The following FGF14 variants were observed in gnomAD, a reference collection of about 807,000 sequenced individuals.
FGF14 encodes the protein fibroblast growth factor homologous factor 4.
FGF14 carries 5 observed loss-of-function variants against 25.5 expected under a neutral mutation model. The observed-to-expected ratio is 0.20, with a 90% CI of 0.10 to 0.41. The LOEUF is 0.41. FGF14 is among the 10% of genes least tolerant of loss of function. The pLI is 1.00. For missense variants in FGF14, 222 were observed against 320.1 expected (o/e 0.69, Z 2.34); for synonymous variants, 138 against 118.3 (o/e 1.17, Z -1.08).
intron 1 of FGF14, among the ~76,000 whole-genome samples, chr13:102,069,310 G>A (rs537299875): frequency 1.3e-5 from 2 of 152,190 alleles, no homozygotes; most frequent in South Asian, 4.2e-4. Context: ...CTCAGGGATT[G>A]TAAACGCACC....
In FGF14 at chr13:102,283,528, T is replaced by C. The variant is rs529247736; in HGVS notation, c.208+117943A>G. Among the ~76,000 whole-genome samples the C allele has an allele frequency of 1.2e-4, 18 of 152,320 alleles. No individual in the cohort carries two copies. In the South Asian group the frequency reaches 1.2e-3, roughly 11 times the overall value. On this transcript the variant is annotated intron_variant, in intron 1 of 4. Transcript: ENST00000376131. ...TATCTAACATCTTCAAACGTTCACA[T>C]TGAAAAACAGTCCTTTGCCATCAAT...
intron 3 of FGF14, among the ~76,000 whole-genome samples, chr13:101,848,223 G>A (rs2043565814): frequency 6.6e-6 from 1 of 151,872 alleles, no homozygotes; most frequent in African/African-American, 2.4e-5. Flanking sequence ...CATCAACCCT[G>A]TCAAGATATG....
At chr13:102,227,952 C>T (rs1460060608) in intron 1 of FGF14, among the ~76,000 whole-genome samples, 1 of 152,080 alleles carries the variant, frequency 6.6e-6, no homozygotes, top group African/African-American at 2.4e-5. Flanking sequence ...CAGACACTTC[C>T]AGATTTATTT....
chr13:102,360,698 A>G (rs1205226734), intron 1 of FGF14, among the ~76,000 whole-genome samples: 1 of 152,204 alleles, frequency 6.6e-6, no homozygotes, highest in Non-Finnish European at 1.5e-5. Flanking sequence ...GTCAATTTCA[A>G]GGAGCAAAAT....
intron 1 of FGF14, among the ~76,000 whole-genome samples, chr13:102,161,655 G>GTC (rs1566765303): frequency 0.08 from 1,543 of 19,284 alleles, 156 homozygotes; most frequent in East Asian, 0.29. Context: ...AGAAGAAGAA[G>GTC]AAGAAGAAGA....
At chr13:101,943,826 A>AAAAATAT (rs1555324449) in intron 1 of FGF14, among the ~76,000 whole-genome samples, 1 of 126,806 alleles carries the variant, frequency 7.9e-6, no homozygotes, top group African/African-American at 3.4e-5. Context: ...AAAAAAAAAA[A>AAAAATAT]ATATATATAT....
At chr13:101,832,216 C>T (rs1047914525) in intron 3 of FGF14, among the ~76,000 whole-genome samples, 12 of 151,896 alleles carry the variant, frequency 7.9e-5, no homozygotes, top group East Asian at 3.9e-4. Flanking sequence ...TGGAAACCAC[C>T]GGAAACCAGG....
chr13:102,084,046 C>T (rs1422120003), intron 1 of FGF14, among the ~76,000 whole-genome samples: 2 of 151,324 alleles, frequency 1.3e-5, no homozygotes, highest in African/African-American at 2.4e-5. Flanking sequence ...TTTTTTTTCT[C>T]ATAAATTATA....
chr13:101,914,198 A>G (rs2033239169), intron 1 of FGF14, among the ~76,000 whole-genome samples: 1 of 151,170 alleles, frequency 6.6e-6, no homozygotes, highest in South Asian at 2.1e-4. Context: ...TAATTAAATG[A>G]ATAATTATAT....
intron 1 of FGF14, among the ~76,000 whole-genome samples, chr13:101,939,696 T>C (rs1418547455): frequency 6.6e-6 from 1 of 152,246 alleles, no homozygotes; most frequent in Admixed American, 6.5e-5. Flanking sequence ...ACTGTAAATG[T>C]CAATCTGTTT....
At chr13:101,962,865 C>A (rs1048954099) in intron 1 of FGF14, among the ~76,000 whole-genome samples, 3 of 152,198 alleles carry the variant, frequency 2.0e-5, no homozygotes, top group Admixed American at 6.5e-5. Flanking sequence ...TAACTTTGTC[C>A]TTTGCCGTGA....
intron 1 of FGF14, among the ~76,000 whole-genome samples, chr13:101,887,521 T>A (rs2046055965): frequency 6.6e-6 from 1 of 152,056 alleles, no homozygotes; most frequent in Non-Finnish European, 1.5e-5. Flanking sequence ...TCTCATATTC[T>A]TGTGGGAGCT....
At chr13:102,180,051 A>C (rs1406325887) in intron 1 of FGF14, among the ~76,000 whole-genome samples, 1 of 152,180 alleles carries the variant, frequency 6.6e-6, no homozygotes, top group Non-Finnish European at 1.5e-5. Context: ...AATCTAATGC[A>C]TTTCTGGCAA....
At chr13:101,861,709 G>C (rs1178344289) in intron 3 of FGF14, among the ~76,000 whole-genome samples, 1 of 151,836 alleles carries the variant, frequency 6.6e-6, no homozygotes, top group African/African-American at 2.4e-5. Context: ...CAGAACCCCT[G>C]CCCCCACAGC....
intron 1 of FGF14, among the ~76,000 whole-genome samples, chr13:101,898,245 T>C (rs1276596777): frequency 6.6e-6 from 1 of 151,894 alleles, no homozygotes; most frequent in East Asian, 1.9e-4. Context: ...AGTGCAAATA[T>C]TCAAAAATAT....
chr13:102,108,600 C>A (rs1208685422), intron 1 of FGF14, among the ~76,000 whole-genome samples: 1 of 152,158 alleles, frequency 6.6e-6, no homozygotes. Flanking sequence ...TATATTTAAA[C>A]CTATGTGTAT....
chr13:102,237,101 C>CTCCCA (rs947243610), intron 1 of FGF14, among the ~76,000 whole-genome samples: 27 of 152,304 alleles, frequency 1.8e-4, no homozygotes, highest in African/African-American at 6.3e-4. Flanking sequence ...GGCTGAAGGA[C>CTCCCA]TCCCATCTTC....
intron 3 of FGF14, among the ~76,000 whole-genome samples, chr13:101,827,317 C>G (rs974368609): frequency 2.6e-5 from 4 of 151,760 alleles, no homozygotes; most frequent in African/African-American, 9.7e-5. Context: ...AAAATAGTTA[C>G]CAGAGGTAGT....
upstream of FGF14, among the ~76,000 whole-genome samples, chr13:101,917,341 G>C (rs1162823222): frequency 6.6e-6 from 1 of 151,904 alleles, no homozygotes; most frequent in Non-Finnish European, 1.5e-5. Flanking sequence ...TACCTCTTCA[G>C]AAAGAAACAA....
Sources: allele counts gnomAD v4.1 joint callset (sites outside exome capture counted in the v4.1 genomes callset), GRCh38; gene constraint gnomAD v4.1.1; transcripts MANE v1.5; gene names NCBI Gene and HGNC (gene_info 2026-07-23, HGNC 2026-07-21).